The following SORCS2 variants were observed in gnomAD, a reference collection of about 807,000 sequenced individuals.
SORCS2 encodes the protein sortilin related VPS10 domain containing receptor 2.
In SORCS2, 100 loss-of-function variants were observed where a neutral mutation model predicts 141.6. The ratio of observed to expected loss-of-function variants is 0.71; its 90% CI spans 0.60 to 0.83. SORCS2 has a LOEUF of 0.83. Among genes scored for constraint, SORCS2 ranks in the 40% least tolerant of loss-of-function variants. The probability of loss-of-function intolerance (pLI) is 0.00; values close to 1 mark genes in which losing one functional copy is unlikely to be tolerated. For missense variants in SORCS2, 1,646 were observed against 1,560.2 expected (o/e 1.05, Z -0.93); for synonymous variants, 789 against 676.9 (o/e 1.17, Z -2.57).
chr4:7,725,208 A>G lies in SORCS2; in HGVS notation c.2666A>G (p.Glu889Gly), dbSNP rs1209274082. 6.2e-7 allele frequency: 1 copy of G among 1,613,570 alleles called. No homozygotes were observed. The highest frequency in any genetic ancestry group is 1.1e-5 in the South Asian group (1 of 91,090). The change falls in exon 20 of 27, where the codon GAG becomes GGG. Residue 889 changes from glutamate (E) to glycine (G), a missense_variant. Transcript: ENST00000507866. ...GTTCCTGTCATTGGCCTCAACCAGG[A>G]GGTGAACCTCACAGCTGTGCTGCTT... ...EVVPVIGLNQ[E>G]VNLTAVLLPL... is the part of the protein sequence containing the mutation.
chr4:7,374,129 C>CTCTTTCTTTCTTTCTTTCTTTCTTTCTT (rs1162945229), intron 1 of SORCS2, among the ~76,000 whole-genome samples: 10 of 51,862 alleles, frequency 1.9e-4, no homozygotes, highest in Admixed American at 6.7e-4. Context: ...CTTTCTTTCC[C>CTCTTTCTTTCTTTCTTTCTTTCTTTCTT]TCTTTCTTTC....
intron 8 of SORCS2, among the ~76,000 whole-genome samples, chr4:7,668,048 TC>T (rs1722601130): frequency 6.6e-6 from 1 of 152,180 alleles, no homozygotes; most frequent in Non-Finnish European, 1.5e-5. Context: ...AGATGAAGCT[TC>T]CCTTCCTCCA....
In SORCS2 at chr4:7,718,142, C is replaced by A. The variant is rs750775872; in HGVS notation, c.2383C>A (p.Arg795=). The change falls in exon 18 of 27, where the codon CGG becomes AGG. Residue 795 remains arginine (R), a synonymous_variant. Transcript: ENST00000507866. ...CATTCAAGGCGAGGCGGTGGCCGTG[C>A]GGCCTGGAGAGGACGTCCTGTTTGT... is the stretch of plus-strand genomic sequence containing the variant. ...VSIQGEAVAV[R]PGEDVLFVVR... is the part of the protein sequence containing the mutation. The A allele has an allele frequency of 6.2e-7, 1 of 1,611,318 alleles. No homozygotes were observed. The highest frequency in any genetic ancestry group is 1.7e-5 in the Admixed American group (1 of 59,786).
chr4:7,323,075 A>G (rs4689702), intron 1 of SORCS2, among the ~76,000 whole-genome samples: 116,850 of 152,202 alleles, frequency 0.77, 45,400 homozygotes, highest in African/African-American at 0.89. Context: ...GCATTATTAC[A>G]TAAGTATCAC....
At chr4:7,659,830 C>CA (rs1192331205) in intron 5 of SORCS2, among the ~76,000 whole-genome samples, 2 of 152,202 alleles carry the variant, frequency 1.3e-5, no homozygotes, top group Non-Finnish European at 2.9e-5. Context: ...TTCTCCCCCC[C>CA]ACCACTGTCC....
intron 2 of SORCS2, among the ~76,000 whole-genome samples, chr4:7,398,339 C>G (rs1052882468): frequency 7.9e-5 from 12 of 152,168 alleles, no homozygotes; most frequent in Admixed American, 2.6e-4. Context: ...GCCTCCGTCT[C>G]CATGTCTGTT....
intron 14 of SORCS2, among the ~76,000 whole-genome samples, chr4:7,710,274 G>T (rs1560501759): frequency 6.6e-6 from 1 of 152,294 alleles, no homozygotes; most frequent in Non-Finnish European, 1.5e-5. Context: ...CCAGGAGGTG[G>T]CCTGAAGCTG....
chr4:7,286,942 G>A lies in SORCS2; in HGVS notation c.480+93816G>A. On this transcript the variant is annotated intron_variant, in intron 1 of 26. Transcript: ENST00000507866. The surrounding 1 kb of genome is among the most constrained non-coding windows in gnomAD (Gnocchi z 4.1). ...CACAAGTCAGCAGAGGCAGAGAGAG[G>A]GACCAGGGCCACTGGTACGAACGCT... Among the ~76,000 whole-genome samples the A allele has an allele frequency of 6.6e-6, 1 of 152,194 alleles. No homozygotes were observed.
chr4:7,669,323 C>T (rs1722668560), intron 8 of SORCS2, among the ~76,000 whole-genome samples: 1 of 152,182 alleles, frequency 6.6e-6, no homozygotes, highest in African/African-American at 2.4e-5. Context: ...ATGCACAGGA[C>T]CCAGTGACCA....
intron 2 of SORCS2, among the ~76,000 whole-genome samples, chr4:7,455,930 A>G (rs1415599952): frequency 6.6e-6 from 1 of 152,198 alleles, no homozygotes; most frequent in Non-Finnish European, 1.5e-5. Context: ...TCAGGCTGCC[A>G]AAACAAAATA....
intron 1 of SORCS2, among the ~76,000 whole-genome samples, chr4:7,313,580 G>C (rs1364772937): frequency 6.6e-6 from 1 of 152,180 alleles, no homozygotes; most frequent in Non-Finnish European, 1.5e-5. Flanking sequence ...ACCTCTTTGG[G>C]CCATGCCAGG....
At chr4:7,420,342 C>T (rs1482789120) in intron 2 of SORCS2, among the ~76,000 whole-genome samples, 1 of 152,194 alleles carries the variant, frequency 6.6e-6, no homozygotes, top group Non-Finnish European at 1.5e-5. Flanking sequence ...CAGTGATATT[C>T]TCCACCTTGC....
intron 1 of SORCS2, among the ~76,000 whole-genome samples, chr4:7,259,806 C>A (rs1003490356): frequency 2.6e-5 from 4 of 152,230 alleles, no homozygotes; most frequent in Non-Finnish European, 4.4e-5. Context: ...ACCTGAGACT[C>A]TGAGAGGAGA....
At chr4:7,373,478 A>ATATATATATATATATT (rs1470691140) in intron 1 of SORCS2, among the ~76,000 whole-genome samples, 2 of 36,818 alleles carry the variant, frequency 5.4e-5, no homozygotes, top group African/African-American at 3.2e-4. Flanking sequence ...ATATATATAT[A>ATATATATATATATATT]TTTTTTTTTT....
chr4:7,618,652 C>G (rs1302437480), intron 3 of SORCS2, among the ~76,000 whole-genome samples: 1 of 152,108 alleles, frequency 6.6e-6, no homozygotes, highest in Non-Finnish European at 1.5e-5. Context: ...TAGCATGTGC[C>G]CTCCCCTGTG....
At chr4:7,510,906 A>G (rs1732601293) in intron 2 of SORCS2, among the ~76,000 whole-genome samples, 2 of 152,130 alleles carry the variant, frequency 1.3e-5, no homozygotes, top group Non-Finnish European at 1.5e-5. Flanking sequence ...CCTTTCTAAC[A>G]TCTGACTGTC....
intron 1 of SORCS2, among the ~76,000 whole-genome samples, chr4:7,275,455 T>G (rs927535304): frequency 6.6e-6 from 1 of 152,164 alleles, no homozygotes; most frequent in Non-Finnish European, 1.5e-5. Context: ...GAATCACCCG[T>G]GTCTGCTCTG....
intron 3 of SORCS2, among the ~76,000 whole-genome samples, chr4:7,628,008 C>T (rs1216203287): frequency 4.6e-5 from 7 of 152,222 alleles, no homozygotes; most frequent in African/African-American, 1.7e-4. Flanking sequence ...TGGCACAGCC[C>T]CGGGCCTGCC....
At chr4:7,434,523 C>T (rs535377051) in intron 2 of SORCS2, 11 of 1,613,052 alleles carry the variant, frequency 6.8e-6, no homozygotes, top group Admixed American at 6.7e-5. Context: ...GGAGCATGCT[C>T]AGGATGGCCG....
Sources: allele counts gnomAD v4.1 joint callset (sites outside exome capture counted in the v4.1 genomes callset), GRCh38; gene constraint gnomAD v4.1.1; non-coding constraint Gnocchi (gnomAD v3.1); transcripts MANE v1.5; gene names NCBI Gene and HGNC (gene_info 2026-07-23, HGNC 2026-07-21).